Variants in SHROOM4 observed in about 807,000 individuals in gnomAD.
SHROOM4 encodes protein Shroom4.
SHROOM4 carries 17 observed loss-of-function variants against 80.3 expected under a neutral mutation model. The ratio of observed to expected loss-of-function variants is 0.21; its 90% CI spans 0.14 to 0.32. The LOEUF is 0.32. Ranked by LOEUF, SHROOM4 falls within the 10% of genes least tolerant of loss-of-function variation. The probability of loss-of-function intolerance (pLI) is 1.00; values close to 1 mark genes in which losing one functional copy is unlikely to be tolerated. For missense variants in SHROOM4, 993 were observed against 1,140.3 expected (o/e 0.87, Z 1.86); for synonymous variants, 400 against 437.5 (o/e 0.91, Z 1.07).
Position 50,638,387 on chromosome X carries a change from CCT to C in SHROOM4, c.270-81_270-80del, listed in dbSNP as rs1484200398. On this transcript the variant is annotated intron_variant, in intron 2 of 8. Transcript: ENST00000376020. ...TTCCCAGGCAGCTTCCGCCCCACCC[CCT>C]CTTTTCCTTCAGTAAAGTAGAACAT... is the stretch of plus-strand genomic sequence containing the variant. 16 of 1,135,540 alleles carry C rather than the reference CCT, an allele frequency of 1.4e-5. No homozygotes were observed. In the African/African-American group the frequency reaches 2.5e-4, roughly 18 times the overall value. The allele number at this position is 1,135,540 out of a possible 1,213,427, so 93.6% of individuals were successfully genotyped here. A position where few individuals can be genotyped will look rare whatever the true frequency, so the allele number is the denominator to read the frequency against.
chrX:50,624,504 C>G (rs986295070), intron 5 of SHROOM4, among the ~76,000 whole-genome samples: 1 of 111,517 alleles, frequency 9.0e-6, no homozygotes, highest in Non-Finnish European at 1.9e-5. Context: ...TATCCCAATT[C>G]AAACTTAGCA....
intron 2 of SHROOM4, chrX:50,643,427 T>TTAAGTTAAGG (rs1931689857): frequency 9.0e-6 from 1 of 110,592 alleles, no homozygotes; most frequent in Non-Finnish European, 1.9e-5. Flanking sequence ...CCATCTGCCC[T>TTAAGTTAAGG]CCAGTTAAGA....
chrX:50,740,533 A>G (rs1284821558), intron 1 of SHROOM4, among the ~76,000 whole-genome samples: 1 of 111,461 alleles, frequency 9.0e-6, no homozygotes, highest in East Asian at 2.8e-4. Flanking sequence ...AATAAAAGAC[A>G]GAATAACCAG....
chrX:50,727,882 T>C (rs188138636), intron 1 of SHROOM4, among the ~76,000 whole-genome samples: 2 of 112,200 alleles, frequency 1.8e-5, no homozygotes, highest in Admixed American at 1.9e-4. Context: ...CCACAGCTTC[T>C]GCCCAGAGGG....
At chrX:50,612,131 T>C (rs957150669) in intron 5 of SHROOM4, among the ~76,000 whole-genome samples, 1 of 109,307 alleles carries the variant, frequency 9.1e-6, no homozygotes, top group Non-Finnish European at 1.9e-5. Flanking sequence ...GCAAAACCAA[T>C]TCCTGAAAAG....
intron 2 of SHROOM4, among the ~76,000 whole-genome samples, chrX:50,668,166 T>C (rs1412563866): frequency 8.9e-6 from 1 of 112,243 alleles, no homozygotes; most frequent in Non-Finnish European, 1.9e-5. Flanking sequence ...CTACTCATGA[T>C]GTTAATGGAG....
intron 1 of SHROOM4, among the ~76,000 whole-genome samples, chrX:50,776,680 T>A (rs1935517349): frequency 9.0e-6 from 1 of 110,529 alleles, no homozygotes; most frequent in Non-Finnish European, 1.9e-5. Flanking sequence ...CTCTAAAGAC[T>A]TTTTTTCTTT....
intron 1 of SHROOM4, among the ~76,000 whole-genome samples, chrX:50,730,805 A>G (rs1318966677): frequency 1.8e-5 from 2 of 110,866 alleles, no homozygotes; most frequent in African/African-American, 6.5e-5. Context: ...AATAACATTA[A>G]CTACAAAATT....
intron 2 of SHROOM4, among the ~76,000 whole-genome samples, chrX:50,670,937 G>T (rs782191679): frequency 8.1e-5 from 9 of 111,405 alleles, no homozygotes; most frequent in African/African-American, 2.9e-4. Context: ...GATATCTTTC[G>T]CCCACTTTTT....
At chrX:50,623,646 A>G (rs7058303) in intron 5 of SHROOM4, among the ~76,000 whole-genome samples, 39,710 of 110,528 alleles carry the variant, frequency 0.36, 5,289 homozygotes, top group South Asian at 0.45. Flanking sequence ...TAAAATTACC[A>G]TTTGGCCCAG....
chrX:50,610,088 A>C (rs1273421112), intron 5 of SHROOM4, among the ~76,000 whole-genome samples: 1 of 111,297 alleles, frequency 9.0e-6, no homozygotes, highest in African/African-American at 3.3e-5. Flanking sequence ...AATCATGATG[A>C]AGATTGGAAA....
chrX:50,705,722 C>T (rs1933652681), intron 1 of SHROOM4, among the ~76,000 whole-genome samples: 1 of 109,777 alleles, frequency 9.1e-6, no homozygotes, highest in South Asian at 4.0e-4. Flanking sequence ...CCACCTCTCC[C>T]TGCCCTGCCA....
intron 7 of SHROOM4, among the ~76,000 whole-genome samples, chrX:50,600,413 T>C (rs1463358301): frequency 9.0e-6 from 1 of 111,426 alleles, no homozygotes; most frequent in African/African-American, 3.3e-5. Context: ...AGTGGTATTA[T>C]ATACGACCTT....
chrX:50,588,201 G>C lies in SHROOM4; in HGVS notation c.*8494C>G. Among the ~76,000 whole-genome samples the C allele has an allele frequency of 9.0e-6, 1 of 111,305 alleles. No homozygotes were observed. Among genetic ancestry groups the C allele is most frequent in the Non-Finnish European group, 1.9e-5 (1 of 53,113 alleles). On this transcript the variant is annotated 3_prime_UTR_variant, in exon 9 of 9. Transcript: ENST00000376020. ...AGCTTGCCAGAAAATTTTACTTACA[G>C]TGGGGAACTCCTAAGGCTGAAACAT...
intron 2 of SHROOM4, among the ~76,000 whole-genome samples, chrX:50,691,420 A>G (rs1343818560): frequency 9.0e-6 from 1 of 111,699 alleles, no homozygotes; most frequent in Non-Finnish European, 1.9e-5. Context: ...GGAAAAAGTG[A>G]GACTGAAAGC....
intron 2 of SHROOM4, among the ~76,000 whole-genome samples, chrX:50,664,063 A>G (rs1400181231): frequency 1.8e-5 from 2 of 112,547 alleles, no homozygotes; most frequent in Non-Finnish European, 3.8e-5. Flanking sequence ...GAACAACAAT[A>G]CACATTCACT....
chrX:50,735,993 C>T lies in SHROOM4; in HGVS notation c.118-40056G>A, dbSNP rs781843564. ...CTGCACTCCAGCCTGGGTGACAGAACGAGACTGTTTCAAAAAAAAAAAAAA... is the reference window on the plus strand; with the variant it reads ...CTGCACTCCAGCCTGGGTGACAGAATGAGACTGTTTCAAAAAAAAAAAAAA... On this transcript the variant is annotated intron_variant, in intron 1 of 8. Coordinates refer to ENST00000376020, the MANE Select transcript of SHROOM4 (RefSeq NM_020717.5). 4.9e-5 allele frequency among the ~76,000 whole-genome samples: 5 copies of T among 101,786 alleles called. No homozygotes were observed. The South Asian group carries it at 1.9e-3, about 38-fold the overall frequency. The allele number at this position is 101,786 out of a possible 115,157, so 88.4% of individuals were successfully genotyped here.
At chrX:50,798,436 G>A (rs1347720987) in intron 1 of SHROOM4, among the ~76,000 whole-genome samples, 1 of 111,802 alleles carries the variant, frequency 8.9e-6, no homozygotes, top group Non-Finnish European at 1.9e-5. Context: ...TGAAACCCAC[G>A]TTTTCCAATG....
At chrX:50,615,202 T>C (rs1930184947) in intron 5 of SHROOM4, among the ~76,000 whole-genome samples, 1 of 110,926 alleles carries the variant, frequency 9.0e-6, no homozygotes, top group Non-Finnish European at 1.9e-5. Flanking sequence ...ATAAATCTGA[T>C]TTTGTTATAC....
Sources: gnomAD v4.1 joint callset for allele counts (sites outside exome capture counted in the v4.1 genomes callset) on GRCh38, gnomAD v4.1.1 for gene constraint, MANE v1.5 for transcripts, NCBI Gene and HGNC (gene_info 2026-07-23, HGNC 2026-07-21) for gene names.